DRD3: variants seen among roughly 807,000 people sequenced by gnomAD.
The protein encoded by DRD3 is D(3) dopamine receptor.
In DRD3, 19 loss-of-function variants were observed where a neutral mutation model predicts 36.3. The observed-to-expected ratio is 0.52, with a 90% CI of 0.36 to 0.77. DRD3 has a LOEUF of 0.77. Among genes scored for constraint, DRD3 ranks in the 30% least tolerant of loss-of-function variants. The pLI is 0.00. For missense variants in DRD3, 465 were observed against 505.3 expected (o/e 0.92, Z 0.77); for synonymous variants, 195 against 203.7 (o/e 0.96, Z 0.36).
rs1258712040 is a variant in DRD3, at chr3:114,147,086, GC to G, written c.526+328del. On this transcript the variant is annotated intron_variant, in intron 4 of 6. Transcript: ENST00000383673. ...TGTTATCTTTTTATTAGCAAACCTT[GC>G]CTGAATTATTAATATATATCTTGGT... is the stretch of plus-strand genomic sequence containing the variant. Among the ~76,000 whole-genome samples the G allele has an allele frequency of 1.1e-4, 17 of 151,902 alleles. 1 individual carries two copies. Among genetic ancestry groups the G allele is most frequent in the Admixed American group, 3.3e-4 (5 of 15,262 alleles).
At chr3:114,151,545 G>T (rs1238885988) in intron 3 of DRD3, among the ~76,000 whole-genome samples, 1 of 152,110 alleles carries the variant, frequency 6.6e-6, no homozygotes, top group African/African-American at 2.4e-5. Flanking sequence ...CTAAAATTTT[G>T]CCAATCAGCT....
intron 2 of DRD3, among the ~76,000 whole-genome samples, chr3:114,164,910 C>G (rs577791336): frequency 6.6e-6 from 1 of 152,246 alleles, no homozygotes; most frequent in East Asian, 1.9e-4. Flanking sequence ...GCCACCAGGC[C>G]CAGCTAATTT....
chr3:114,163,260 T>A (rs2077750431), intron 2 of DRD3, among the ~76,000 whole-genome samples: 1 of 115,172 alleles, frequency 8.7e-6, no homozygotes. Flanking sequence ...TTGGTGGGAC[T>A]TGTAATGAAT....
At chr3:114,147,914 C>T (rs2077583281) in intron 3 of DRD3, among the ~76,000 whole-genome samples, 1 of 152,206 alleles carries the variant, frequency 6.6e-6, no homozygotes, top group African/African-American at 2.4e-5. Context: ...GTTGGGATTA[C>T]AGGCGTGAGC....
At chr3:114,162,099 G>A (rs2077738715) in intron 2 of DRD3, among the ~76,000 whole-genome samples, 1 of 152,142 alleles carries the variant, frequency 6.6e-6, no homozygotes, top group Non-Finnish European at 1.5e-5. Context: ...TGTGTGTTGA[G>A]AGGTTTTACA....
At chr3:114,173,891 A>G (rs2077871798) in intron 1 of DRD3, among the ~76,000 whole-genome samples, 1 of 152,166 alleles carries the variant, frequency 6.6e-6, no homozygotes, top group Non-Finnish European at 1.5e-5. Flanking sequence ...TTTGCCCTCA[A>G]GCCAGGTATC....
intron 2 of DRD3, among the ~76,000 whole-genome samples, chr3:114,161,120 T>G (rs1440935526): frequency 6.6e-6 from 1 of 151,334 alleles, no homozygotes; most frequent in Non-Finnish European, 1.5e-5. Flanking sequence ...CCTGGGGGGG[T>G]GGGCTGTCAT....
At chr3:114,193,540 A>C (rs1289047199) in intron 1 of DRD3, among the ~76,000 whole-genome samples, 1 of 152,166 alleles carries the variant, frequency 6.6e-6, no homozygotes, top group East Asian at 1.9e-4. Context: ...AACTGGGGCT[A>C]TACTGGACTT....
At chr3:114,131,839 A>G (rs1214311915) in intron 5 of DRD3, among the ~76,000 whole-genome samples, 1 of 152,274 alleles carries the variant, frequency 6.6e-6, no homozygotes, top group Non-Finnish European at 1.5e-5. Flanking sequence ...CATTAGAGAA[A>G]TGCAATCAAA....
chr3:114,153,598 GTTAA>G (rs2077638350), intron 3 of DRD3, among the ~76,000 whole-genome samples: 1 of 152,208 alleles, frequency 6.6e-6, no homozygotes, highest in Non-Finnish European at 1.5e-5. Context: ...GCTCTGACAG[GTTAA>G]TTGACTTGCC....
At chr3:114,187,057 T>C (rs1228321735) in intron 1 of DRD3, among the ~76,000 whole-genome samples, 2 of 152,224 alleles carry the variant, frequency 1.3e-5, no homozygotes, top group Non-Finnish European at 2.9e-5. Context: ...TCAACTGTTT[T>C]ATTCTAGGCA....
chr3:114,189,238 A>G (rs2077990864), intron 1 of DRD3, among the ~76,000 whole-genome samples: 1 of 152,178 alleles, frequency 6.6e-6, no homozygotes, highest in Admixed American at 6.5e-5. Context: ...AGTGCAATAT[A>G]TCTTTAAAGG....
chr3:114,163,836 C>G (rs750938220), intron 2 of DRD3, among the ~76,000 whole-genome samples: 1 of 152,118 alleles, frequency 6.6e-6, no homozygotes, highest in Non-Finnish European at 1.5e-5. Context: ...ACTTAAAAAA[C>G]AGCTATGAGG....
intron 2 of DRD3, among the ~76,000 whole-genome samples, chr3:114,171,109 CTG>C (rs1397875480): frequency 6.6e-6 from 1 of 152,178 alleles, no homozygotes; most frequent in African/African-American, 2.4e-5. Flanking sequence ...GGCAAAGGCT[CTG>C]TACTATTCAT....
chr3:114,173,109 C>G (rs745523119), intron 1 of DRD3, among the ~76,000 whole-genome samples: 4 of 151,654 alleles, frequency 2.6e-5, no homozygotes, highest in Non-Finnish European at 5.9e-5. Flanking sequence ...TAAAAGAGAC[C>G]CAGAGAGCTA....
chr3:114,182,994 T>G (rs185733196), upstream of DRD3, among the ~76,000 whole-genome samples: 61 of 152,320 alleles, frequency 4.0e-4, no homozygotes, highest in Admixed American at 8.5e-4. Context: ...TTTTCAGCTC[T>G]TTTAGATATA....
chr3:114,140,523 G>A (rs2077515128), intron 4 of DRD3, among the ~76,000 whole-genome samples: 1 of 152,220 alleles, frequency 6.6e-6, no homozygotes, highest in Admixed American at 6.5e-5. Context: ...GCCAGGCGAT[G>A]AGCCAAGAGC....
At chr3:114,147,261 A>G (rs1488632913) in intron 4 of DRD3, among the ~76,000 whole-genome samples, 154 bp downstream of exon 4, 1 of 152,068 alleles carries the variant, frequency 6.6e-6, no homozygotes, top group African/African-American at 2.4e-5. Flanking sequence ...TATAACCCAC[A>G]AAGGCCAAAG....
intron 5 of DRD3, among the ~76,000 whole-genome samples, chr3:114,137,673 C>G (rs909096887): frequency 3.3e-5 from 5 of 152,030 alleles, no homozygotes; most frequent in Non-Finnish European, 5.9e-5. Flanking sequence ...AAGGAAAAAC[C>G]CTGTCTCTAC....
Sources: gnomAD v4.1 joint callset for allele counts (sites outside exome capture counted in the v4.1 genomes callset) on GRCh38, gnomAD v4.1.1 for gene constraint, MANE v1.5 for transcripts, NCBI Gene and HGNC (gene_info 2026-07-23, HGNC 2026-07-21) for gene names.